PCCA: variants seen among roughly 807,000 people sequenced by gnomAD.
PCCA encodes the protein propionyl-CoA carboxylase subunit alpha.
PCCA carries 74 observed loss-of-function variants against 101.3 expected under a neutral mutation model. The observed-to-expected ratio is 0.73, with a 90% confidence interval of 0.61 to 0.89. PCCA has a LOEUF of 0.89. Among genes scored for constraint, PCCA ranks in the 40% least tolerant of loss-of-function variants. The pLI is 0.00. For synonymous variants in PCCA, 294 were observed against 313.6 expected, an observed-to-expected ratio of 0.94 and a Z score of 0.66; for missense variants, 891 against 907.0, an observed-to-expected ratio of 0.98 and a Z score of 0.23.
At chr13:100,184,663 C>A (rs757461956) in intron 6 of PCCA, among the ~76,000 whole-genome samples, 2 of 152,108 alleles carry the variant, frequency 1.3e-5, no homozygotes, top group Non-Finnish European at 2.9e-5. Context: ...TGAAAGCAGC[C>A]CTAGACTATA....
chr13:100,290,103 C>T (rs1317747666), intron 12 of PCCA, among the ~76,000 whole-genome samples: 4 of 152,176 alleles, frequency 2.6e-5, no homozygotes, highest in African/African-American at 9.7e-5. Context: ...TGAATTTCAG[C>T]TGTGTTCTAG....
At chr13:100,139,033 A>G (rs1375289344) in intron 4 of PCCA, among the ~76,000 whole-genome samples, 1 of 151,698 alleles carries the variant, frequency 6.6e-6, no homozygotes, top group African/African-American at 2.4e-5. Context: ...CTGAGTTGAC[A>G]GTTCTTTCTT....
At chr13:100,504,322 T>C (rs1313840029) in intron 21 of PCCA, among the ~76,000 whole-genome samples, 1 of 152,206 alleles carries the variant, frequency 6.6e-6, no homozygotes, top group African/African-American at 2.4e-5. Flanking sequence ...GTCGGGAGAA[T>C]GTTCATATGA....
At chr13:100,230,157 T>G (rs963353401) in intron 7 of PCCA, among the ~76,000 whole-genome samples, 4 of 152,034 alleles carry the variant, frequency 2.6e-5, no homozygotes, top group Admixed American at 1.3e-4. Context: ...GAAGGTTAAG[T>G]GTGAAAAGGG....
rs966272516 is a variant in PCCA at position 100,341,979 on chromosome 13, A to ATATATATATATATG, written c.1643+1723_1643+1724insATATATATATGTAT. ...AAAGTATATATATATATATATATAT[A>ATATATATATATATG]TATGTATTTATGTGTGTGTATATAT... On this transcript the variant is annotated intron_variant, in intron 18 of 23. Transcript: ENST00000376285. Among the ~76,000 whole-genome samples the ATATATATATATATG allele has an allele frequency of 4.5e-4, 51 of 114,514 alleles. 1 individual carries two copies. Among genetic ancestry groups the ATATATATATATATG allele is most frequent in the Admixed American group, 2.3e-3 (26 of 11,418 alleles). 75.1% of individuals were successfully genotyped at this position (114,514 alleles called of 152,430 possible). A position where few individuals can be genotyped will look rare whatever the true frequency, so the allele number is the denominator to read the frequency against.
At chr13:100,500,377 CTTTTCAAGGAATTTATACTAA>C (rs2085581095) in intron 21 of PCCA, among the ~76,000 whole-genome samples, 1 of 152,108 alleles carries the variant, frequency 6.6e-6, no homozygotes, top group Non-Finnish European at 1.5e-5. Flanking sequence ...ATTAAAGTTT[CTTTTCAAGGAATTTATACTAA>C]TTAGTTCATG....
chr13:100,409,649 T>C (rs2077908843), intron 19 of PCCA, among the ~76,000 whole-genome samples: 1 of 152,060 alleles, frequency 6.6e-6, no homozygotes, highest in South Asian at 2.1e-4. Context: ...TCGGAACACC[T>C]CCCACTGGTC....
chr13:100,478,624 C>G (rs981871507), intron 21 of PCCA, among the ~76,000 whole-genome samples: 2 of 152,152 alleles, frequency 1.3e-5, no homozygotes, highest in African/African-American at 2.4e-5. Flanking sequence ...AGGAAATTGC[C>G]TGGTCAGGAG....
intron 2 of PCCA, among the ~76,000 whole-genome samples, chr13:100,103,879 G>A (rs1460516033): frequency 6.6e-6 from 1 of 151,492 alleles, no homozygotes; most frequent in Non-Finnish European, 1.5e-5. Context: ...CAGGTCATCC[G>A]CCTGCCTCGA....
chr13:100,203,230 C>T (rs1288597890), intron 6 of PCCA, among the ~76,000 whole-genome samples: 3 of 148,440 alleles, frequency 2.0e-5, no homozygotes, highest in East Asian at 4.0e-4. Flanking sequence ...GCTGAGGTCG[C>T]GCCACTGCAC....
chr13:100,319,572 G>C (rs2067773813), intron 16 of PCCA, among the ~76,000 whole-genome samples: 1 of 152,118 alleles, frequency 6.6e-6, no homozygotes, highest in Non-Finnish European at 1.5e-5. Context: ...AGTTTTCCCA[G>C]CACCATTTAT....
chr13:100,226,813 T>A (rs113944985), intron 7 of PCCA, among the ~76,000 whole-genome samples: 3 of 152,178 alleles, frequency 2.0e-5, no homozygotes, highest in Admixed American at 6.5e-5. Context: ...ATTGAGTACC[T>A]ACTGTGGGCC....
intron 21 of PCCA, among the ~76,000 whole-genome samples, chr13:100,489,541 T>C (rs1255993054): frequency 6.6e-6 from 1 of 152,252 alleles, no homozygotes; most frequent in African/African-American, 2.4e-5. Flanking sequence ...CCAGCATGAA[T>C]ACATGCAATT....
chr13:100,364,898 A>G (rs1316152248), intron 18 of PCCA, among the ~76,000 whole-genome samples: 1 of 152,096 alleles, frequency 6.6e-6, no homozygotes, highest in African/African-American at 2.4e-5. Flanking sequence ...CTTAAAAAAA[A>G]AGCCAGACCT....
At chr13:100,362,851 A>G (rs563465873) in intron 18 of PCCA, among the ~76,000 whole-genome samples, 2 of 152,338 alleles carry the variant, frequency 1.3e-5, no homozygotes, top group East Asian at 3.9e-4. Context: ...TTGAACATAC[A>G]CATTTTCAAT....
At chr13:100,494,624 G>C (rs865804960) in intron 21 of PCCA, among the ~76,000 whole-genome samples, 1 of 151,748 alleles carries the variant, frequency 6.6e-6, no homozygotes, top group Admixed American at 6.6e-5. Context: ...CGGAGTTTGC[G>C]GTGAGCCGAG....
chr13:100,507,070 T>A (rs2086139743), intron 21 of PCCA, among the ~76,000 whole-genome samples: 1 of 152,232 alleles, frequency 6.6e-6, no homozygotes, highest in Non-Finnish European at 1.5e-5. Flanking sequence ...TATTGTTATA[T>A]AATTGAGTAC....
chr13:100,146,106 A>AT (rs1235270489), intron 4 of PCCA, among the ~76,000 whole-genome samples: 2 of 150,026 alleles, frequency 1.3e-5, no homozygotes, highest in African/African-American at 2.4e-5. Context: ...CACTCGGCTA[A>AT]TTTTTTGTAT....
Position 100,139,933 on chromosome 13 carries a change from C to T in PCCA, c.301-15046C>T, listed in dbSNP as rs145872529. Reference sequence around the variant, plus strand: ...TTTTTGTTTTTTTTTTTCCTGTGGGCGGTGGGTCTTTGTACTCCTATACAG... The same window carrying T: ...TTTTTGTTTTTTTTTTTCCTGTGGGTGGTGGGTCTTTGTACTCCTATACAG... On this transcript the variant is annotated intron_variant, in intron 4 of 23. Coordinates refer to ENST00000376285, the MANE Select transcript of PCCA (RefSeq NM_000282.4). Among the ~76,000 whole-genome samples, 1,166 of 149,864 alleles carry T rather than the reference C, an allele frequency of 7.8e-3. 9 individuals carry two copies. Among genetic ancestry groups the T allele is most frequent in the Non-Finnish European group, 0.012 (800 of 67,674 alleles).
Sources: allele counts gnomAD v4.1 joint callset (sites outside exome capture counted in the v4.1 genomes callset), GRCh38; gene constraint gnomAD v4.1.1; transcripts MANE v1.5; gene names NCBI Gene and HGNC (gene_info 2026-07-23, HGNC 2026-07-21).